Variants in B3GAT2 observed in about 807,000 individuals in gnomAD.
The protein encoded by B3GAT2 is galactosylgalactosylxylosylprotein 3-beta-glucuronosyltransferase 2.
Under a neutral mutation model 27.8 loss-of-function variants are expected in B3GAT2, and 26 were observed. The observed-to-expected ratio is 0.93, with a 90% CI of 0.68 to 1.30. B3GAT2 has a LOEUF of 1.30. B3GAT2 is among the 50% of genes most tolerant of loss of function. B3GAT2 has a pLI of 0.00. For missense variants in B3GAT2, 458 were observed against 459.0 expected (o/e 1.00, Z 0.02); for synonymous variants, 218 against 195.1 (o/e 1.12, Z -0.98).
At chr6:70,862,150 T>G in intron 2 of B3GAT2, 172 bp from the exon 3 acceptor site, 1 of 625,920 alleles carries the variant, frequency 1.6e-6, no homozygotes, top group Non-Finnish European at 2.7e-6. Context: ...CAAAGGAAAA[T>G]CAGTCATTAC....
At chr6:70,952,500 T>TA (rs35966846) in intron 1 of B3GAT2, among the ~76,000 whole-genome samples, 11,680 of 152,208 alleles carry the variant, frequency 0.077, 493 homozygotes, top group Admixed American at 0.13. Flanking sequence ...AAAACATGAC[T>TA]AAAAATAAAG....
At chr6:70,911,069 C>A (rs1772682305) in intron 1 of B3GAT2, among the ~76,000 whole-genome samples, 1 of 152,034 alleles carries the variant, frequency 6.6e-6, no homozygotes, top group Non-Finnish European at 1.5e-5. Context: ...GGATATTAGA[C>A]CTTTGTCAGA....
chr6:70,926,804 C>T (rs376232829), intron 1 of B3GAT2, among the ~76,000 whole-genome samples: 10 of 152,122 alleles, frequency 6.6e-5, no homozygotes, highest in East Asian at 5.8e-4. Context: ...GGCCAACATT[C>T]AAATTCAGGA....
chr6:70,938,443 C>T (rs1254045328), intron 1 of B3GAT2, among the ~76,000 whole-genome samples: 1 of 152,042 alleles, frequency 6.6e-6, no homozygotes, highest in East Asian at 1.9e-4. Flanking sequence ...CCCACATCGT[C>T]AAGTCAATCC....
intron 1 of B3GAT2, among the ~76,000 whole-genome samples, chr6:70,903,555 A>T (rs539207255): frequency 2.0e-5 from 3 of 152,322 alleles, no homozygotes; most frequent in South Asian, 4.1e-4. Flanking sequence ...ATATGAATGG[A>T]CATTTCATCA....
rs892144713 is a variant in B3GAT2 at position 70,860,050 on chromosome 6, T to G, written c.*1613A>C. The G allele has an allele frequency of 3.5e-5, 29 of 825,682 alleles. No homozygotes were observed. Among genetic ancestry groups the G allele is most frequent in the Non-Finnish European group, 4.4e-5 (25 of 567,762 alleles). 51.1% of individuals were successfully genotyped at this position (825,682 alleles called of 1,614,324 possible). ...AGAAGGGAACAAAGTAGCTATTTGC[T>G]TTAAGAAATATTTGTATGGTACTCT... On this transcript the variant is annotated 3_prime_UTR_variant, in exon 4 of 4. Transcript: ENST00000230053.
At chr6:70,926,260 C>T (rs570434537) in intron 1 of B3GAT2, among the ~76,000 whole-genome samples, 9 of 152,228 alleles carry the variant, frequency 5.9e-5, no homozygotes, top group Admixed American at 2.6e-4. Context: ...AAAATCAGAG[C>T]GACTCTTCTC....
chr6:70,900,962 C>G lies in B3GAT2; in HGVS notation c.592-6690G>C, dbSNP rs568242261. Among the ~76,000 whole-genome samples, 5 of 152,022 alleles carry G rather than the reference C, an allele frequency of 3.3e-5. No homozygotes were observed. The South Asian group carries it at 8.3e-4, about 25-fold the overall frequency. On this transcript the variant is annotated intron_variant, in intron 1 of 3. Coordinates refer to ENST00000230053, the MANE Select transcript of B3GAT2 (RefSeq NM_080742.3). ...AACAATTTCAGTAGCAAAAAGTAAA[C>G]GAAACCCATCAAATCCAATGGGACC...
At chr6:70,946,745 A>C (rs1193289165) in intron 1 of B3GAT2, among the ~76,000 whole-genome samples, 6 of 151,986 alleles carry the variant, frequency 3.9e-5, no homozygotes, top group Admixed American at 2.6e-4. Flanking sequence ...TACACATCTA[A>C]AGAACTCTCC....
At chr6:70,919,846 A>T (rs971749748) in intron 1 of B3GAT2, among the ~76,000 whole-genome samples, 33 of 152,184 alleles carry the variant, frequency 2.2e-4, no homozygotes, top group Non-Finnish European at 4.3e-4. Context: ...ATCAGGCTAC[A>T]CAGGGGTCAG....
chr6:70,921,340 C>T (rs1025592711), intron 1 of B3GAT2, among the ~76,000 whole-genome samples: 11 of 152,178 alleles, frequency 7.2e-5, no homozygotes, highest in African/African-American at 2.4e-4. Context: ...TCTTCAAGCT[C>T]TGAGATTCTT....
In B3GAT2 at chr6:70,918,518, T is replaced by C. The variant is rs113314224; in HGVS notation, c.592-24246A>G. ...TGGTCTTTACAATTTGTCATGTTTTTGTAGTGGCTGGTACCGGTTGTTCCT... is the reference window on the plus strand; with the variant it reads ...TGGTCTTTACAATTTGTCATGTTTTCGTAGTGGCTGGTACCGGTTGTTCCT... On this transcript the variant is annotated intron_variant, in intron 1 of 3. Transcript: ENST00000230053. Among the ~76,000 whole-genome samples the C allele has an allele frequency of 9.8e-3, 1,487 of 152,330 alleles. 11 individuals are homozygous for C. Among genetic ancestry groups the C allele is most frequent in the Middle Eastern group, 0.048 (14 of 294 alleles).
At chr6:70,935,195 C>G (rs1773123809) in intron 1 of B3GAT2, among the ~76,000 whole-genome samples, 1 of 151,864 alleles carries the variant, frequency 6.6e-6, no homozygotes, top group South Asian at 2.1e-4. Flanking sequence ...CCAGTAATAC[C>G]AGTACTTTGG....
chr6:70,954,943 C>T (rs1370280071), intron 1 of B3GAT2, among the ~76,000 whole-genome samples: 3 of 151,122 alleles, frequency 2.0e-5, no homozygotes, highest in Admixed American at 6.6e-5. Context: ...GCGTGGCCAT[C>T]CCAGGGAACT....
At chr6:70,939,459 G>A (rs1193542315) in intron 1 of B3GAT2, among the ~76,000 whole-genome samples, 3 of 151,084 alleles carry the variant, frequency 2.0e-5, no homozygotes, top group Non-Finnish European at 4.4e-5. Context: ...TATGTTTATT[G>A]CAGCACTATT....
intron 1 of B3GAT2, among the ~76,000 whole-genome samples, chr6:70,896,892 G>A (rs953055185): frequency 4.6e-5 from 7 of 152,134 alleles, no homozygotes; most frequent in African/African-American, 7.2e-5. Flanking sequence ...AAGTTTATGC[G>A]AATTTCTTTC....
intron 2 of B3GAT2, among the ~76,000 whole-genome samples, chr6:70,869,279 A>G (rs1229160208): frequency 2.0e-5 from 3 of 152,148 alleles, no homozygotes; most frequent in African/African-American, 7.2e-5. Flanking sequence ...CCTCCTGAGT[A>G]GCTGGGACTA....
At chr6:70,929,057 G>A (rs1773013685) in intron 1 of B3GAT2, among the ~76,000 whole-genome samples, 1 of 152,178 alleles carries the variant, frequency 6.6e-6, no homozygotes, top group African/African-American at 2.4e-5. Context: ...CATGTCCTTT[G>A]TAGGGACATG....
At position 70,856,854 on chromosome 6, in the gene B3GAT2, C is replaced by T. The variant is rs200415004; in HGVS notation, c.*4809G>A. On this transcript the variant is annotated 3_prime_UTR_variant, in exon 4 of 4. Coordinates refer to ENST00000230053, the MANE Select transcript of B3GAT2 (RefSeq NM_080742.3). The stretch of plus-strand genomic sequence containing the variant: ...TTTGATAGCTTATTTTGGTGTTTGT[C>T]TCAGGGGACACCCTCTGCACCAGCA... 1 of 1,598,346 alleles carries T rather than the reference C, an allele frequency of 6.3e-7. No homozygotes were observed. Among genetic ancestry groups the T allele is most frequent in the East Asian group, 2.2e-5 (1 of 44,684 alleles).
Sources: gnomAD v4.1 joint callset for allele counts (sites outside exome capture counted in the v4.1 genomes callset) on GRCh38, gnomAD v4.1.1 for gene constraint, MANE v1.5 for transcripts, NCBI Gene and HGNC (gene_info 2026-07-23, HGNC 2026-07-21) for gene names.